ACBD6: variants seen among roughly 807,000 people sequenced by gnomAD.
The protein encoded by ACBD6 is acyl-CoA binding domain containing 6.
A neutral mutation model predicts 37.2 loss-of-function variants in ACBD6; 28 were observed. The ratio of observed to expected loss-of-function variants is 0.75; its 90% CI spans 0.56 to 1.03. The LOEUF is 1.03. ACBD6 is among the 50% of genes least tolerant of loss of function. The pLI, the probability that ACBD6 is intolerant of heterozygous loss-of-function variation, is 0.00. For synonymous variants in ACBD6, 113 were observed against 126.8 expected (o/e 0.89, Z 0.73); for missense variants, 340 against 337.4 (o/e 1.01, Z -0.06).
At chr1:180,475,220 T>C (rs950615069) in intron 3 of ACBD6, among the ~76,000 whole-genome samples, 1 of 152,238 alleles carries the variant, frequency 6.6e-6, no homozygotes, top group Non-Finnish European at 1.5e-5. Flanking sequence ...TTTTGACGTA[T>C]ATTGGTGAAA....
chr1:180,353,188 A>G (rs1652483896), intron 6 of ACBD6, among the ~76,000 whole-genome samples: 2 of 152,226 alleles, frequency 1.3e-5, no homozygotes, highest in South Asian at 4.1e-4. Context: ...GGGGTACATA[A>G]AAGGTAGACA....
chr1:180,339,135 G>A (rs1446692432), intron 6 of ACBD6, among the ~76,000 whole-genome samples: 2 of 152,174 alleles, frequency 1.3e-5, no homozygotes, highest in Non-Finnish European at 2.9e-5. Flanking sequence ...ATTCCTCAGG[G>A]ATCTAGAACT....
At chr1:180,481,051 A>C (rs991429578) in intron 3 of ACBD6, among the ~76,000 whole-genome samples, 5 of 151,992 alleles carry the variant, frequency 3.3e-5, no homozygotes, top group Non-Finnish European at 5.9e-5. Flanking sequence ...CAAAAAAAAA[A>C]CAAGATTTTA....
At position 180,400,978 on chromosome 1, in the gene ACBD6, T is replaced by C. The variant is rs546027711; in HGVS notation, c.574-3373A>G. 7.9e-5 allele frequency among the ~76,000 whole-genome samples: 12 copies of C among 152,348 alleles called. No homozygotes were observed. In the South Asian group the frequency reaches 2.5e-3, roughly 32 times the overall value. On this transcript the variant is annotated intron_variant, in intron 5 of 7. Coordinates refer to ENST00000367595, the MANE Select transcript of ACBD6 (RefSeq NM_032360.4). ...TTACATATTTGTCTATATAATTGTT[T>C]TATCTTTTTCCATGAGTGATATAAT...
In ACBD6 at chr1:180,438,010, G is replaced by A. The variant is rs915783696; in HGVS notation, c.385-7748C>T. On this transcript the variant is annotated intron_variant, in intron 3 of 7. Coordinates refer to ENST00000367595, the MANE Select transcript of ACBD6 (RefSeq NM_032360.4). ...TACATGGCCTGTCAGGAACCTGGCC[G>A]CACAGCAGGAGATGAGTGGCGGTTG... is the stretch of plus-strand genomic sequence containing the variant. Among the ~76,000 whole-genome samples, 30 of 152,174 alleles carry A rather than the reference G, an allele frequency of 2.0e-4. 1 individual carries two copies. The highest frequency in any genetic ancestry group is 5.8e-4 in the East Asian group (3 of 5,180).
intron 6 of ACBD6, among the ~76,000 whole-genome samples, chr1:180,349,043 G>A (rs1652298412): frequency 6.7e-6 from 1 of 149,522 alleles, no homozygotes; most frequent in Non-Finnish European, 1.5e-5. Flanking sequence ...ATTTTTTCCT[G>A]AGTTTTTTTT....
At chr1:180,365,585 A>G (rs1180206710) in intron 6 of ACBD6, among the ~76,000 whole-genome samples, 1 of 152,212 alleles carries the variant, frequency 6.6e-6, no homozygotes. Context: ...AATAATTGCT[A>G]TGTATATAAC....
In ACBD6 at chr1:180,502,001, C is replaced by T. The variant is rs78614038; in HGVS notation, c.222+44G>A. 5.0e-4 allele frequency: 795 copies of T among 1,586,614 alleles called. 4 individuals are homozygous for T. The African/African-American group carries it at 9.7e-3, about 19-fold the overall frequency. ...TGCTATCAGTTGTTGAGGAAGAAGG[C>T]TCCGTGTCTTTCTCCCCCATCCACC... On this transcript the variant is annotated intron_variant, in intron 1 of 7. Transcript: ENST00000367595.
chr1:180,438,161 A>G (rs1043141009), intron 3 of ACBD6, among the ~76,000 whole-genome samples: 1 of 152,212 alleles, frequency 6.6e-6, no homozygotes, highest in Non-Finnish European at 1.5e-5. Flanking sequence ...CCTTATGAGA[A>G]TCTAATGCCT....
intron 3 of ACBD6, among the ~76,000 whole-genome samples, chr1:180,459,543 G>A (rs936972576): frequency 3.3e-5 from 5 of 152,170 alleles, no homozygotes; most frequent in Non-Finnish European, 7.4e-5. Flanking sequence ...TGTTTACTAG[G>A]ACAAGGGCTC....
intron 9 of ACBD6, chr1:180,276,345 TTAAG>T (rs140862): frequency 0.92 from 139,299 of 152,012 alleles, 63,959 homozygotes; most frequent in East Asian, 0.99. Context: ...CTAAGTTCAA[TTAAG>T]TAAGTTCTTT....
At chr1:180,296,977 T>C (rs1370538124) in intron 7 of ACBD6, among the ~76,000 whole-genome samples, 1 of 151,766 alleles carries the variant, frequency 6.6e-6, no homozygotes, top group South Asian at 2.1e-4. Flanking sequence ...ATGCAAAAAA[T>C]TAGCTGGGTG....
At chr1:180,274,553 G>C (rs770324044) in intron 10 of ACBD6, 3 of 1,588,808 alleles carry the variant, frequency 1.9e-6, no homozygotes, top group African/African-American at 2.7e-5. Context: ...CTCTTGGCTC[G>C]ATGAAATGGA....
chr1:180,401,626 A>G (rs1261462532), intron 5 of ACBD6, among the ~76,000 whole-genome samples: 1 of 152,062 alleles, frequency 6.6e-6, no homozygotes, highest in Non-Finnish European at 1.5e-5. Context: ...TCTACTAGAA[A>G]TACAAAAAAT....
At chr1:180,377,949 A>AAAT (rs71118455) in intron 6 of ACBD6, among the ~76,000 whole-genome samples, 60,536 of 143,080 alleles carry the variant, frequency 0.42, 13,364 homozygotes, top group East Asian at 0.57. Context: ...CTCTGTCTCA[A>AAAT]AATAATAATA....
intron 7 of ACBD6, among the ~76,000 whole-genome samples, chr1:180,301,201 C>A (rs1359866011): frequency 6.6e-6 from 1 of 152,088 alleles, no homozygotes; most frequent in African/African-American, 2.4e-5. Context: ...TGTCTGTATA[C>A]TTTTTAAAGA....
chr1:180,431,970 C>T (rs1648829869), intron 3 of ACBD6, among the ~76,000 whole-genome samples: 1 of 152,096 alleles, frequency 6.6e-6, no homozygotes, highest in Admixed American at 6.5e-5. Context: ...CTTTGGGAGG[C>T]TGAGGCAGGT....
At chr1:180,400,121 A>AAG (rs1416951480) in intron 5 of ACBD6, among the ~76,000 whole-genome samples, 1 of 152,228 alleles carries the variant, frequency 6.6e-6, no homozygotes, top group Non-Finnish European at 1.5e-5. Flanking sequence ...TCAATGGTAA[A>AAG]GCTGACAAGC....
rs10914013 is a variant in ACBD6, at chr1:180,499,909, C to T, written c.222+2136G>A. ...AACTGATATTCATAATAATGACCAT[C>T]AACCTTCAAAACAAGGTTCATTTTT... On this transcript the variant is annotated intron_variant, in intron 1 of 7. Coordinates refer to ENST00000367595, the MANE Select transcript of ACBD6 (RefSeq NM_032360.4). Among the ~76,000 whole-genome samples, 1,469 of 152,206 alleles carry T rather than the reference C, an allele frequency of 9.7e-3. 21 individuals are homozygous for T. Among genetic ancestry groups the T allele is most frequent in the African/African-American group, 0.033 (1,387 of 41,526 alleles).
Sources: gnomAD v4.1 joint callset for allele counts (sites outside exome capture counted in the v4.1 genomes callset) on GRCh38, gnomAD v4.1.1 for gene constraint, MANE v1.5 for transcripts, NCBI Gene and HGNC (gene_info 2026-07-23, HGNC 2026-07-21) for gene names.